Variants in EXOC4 observed in about 807,000 individuals in gnomAD.
EXOC4 encodes the protein exocyst complex component 4, also known as SEC8-like 1.
In EXOC4, 71 loss-of-function variants were observed where a neutral mutation model predicts 107.2. The ratio of observed to expected loss-of-function variants is 0.66; its 90% CI spans 0.55 to 0.81. The LOEUF is 0.81. Among genes scored for constraint, EXOC4 ranks in the 30% least tolerant of loss-of-function variants. EXOC4 has a pLI of 0.00. For synonymous variants in EXOC4, 456 were observed against 441.2 expected, an observed-to-expected ratio of 1.03 and a Z score of -0.42; for missense variants, 1,108 against 1,189.6, an observed-to-expected ratio of 0.93 and a Z score of 1.01.
chr7:133,687,747 T>C (rs760735279), intron 10 of EXOC4, among the ~76,000 whole-genome samples: 4 of 152,100 alleles, frequency 2.6e-5, no homozygotes, highest in Non-Finnish European at 4.4e-5. Context: ...TCTGTAACAT[T>C]AATACAAGTG....
At chr7:133,826,892 A>G (rs1400455640) in intron 11 of EXOC4, among the ~76,000 whole-genome samples, 3 of 152,174 alleles carry the variant, frequency 2.0e-5, no homozygotes, top group Non-Finnish European at 4.4e-5. Context: ...GGATTCTAAC[A>G]TTAACATTCT....
intron 10 of EXOC4, among the ~76,000 whole-genome samples, chr7:133,652,073 C>T (rs933237916): frequency 1.3e-5 from 2 of 152,128 alleles, no homozygotes; most frequent in Admixed American, 6.5e-5. Flanking sequence ...TTTTCTTTTC[C>T]AAGTAATTCG....
intron 5 of EXOC4, among the ~76,000 whole-genome samples, chr7:133,352,706 T>G (rs1795938179): frequency 6.6e-6 from 1 of 152,066 alleles, no homozygotes; most frequent in African/African-American, 2.4e-5. Context: ...TGCATTATTT[T>G]TTTTACCCCT....
intron 9 of EXOC4, among the ~76,000 whole-genome samples, chr7:133,621,313 A>G (rs1802324415): frequency 6.6e-6 from 1 of 152,206 alleles, no homozygotes; most frequent in South Asian, 2.1e-4. Flanking sequence ...CAAAATAAAT[A>G]GTAGATTATT....
At chr7:133,539,125 A>G (rs1800333420) in intron 9 of EXOC4, among the ~76,000 whole-genome samples, 1 of 152,094 alleles carries the variant, frequency 6.6e-6, no homozygotes. Context: ...CATTACTTCT[A>G]GAAAGAACAA....
intron 7 of EXOC4, among the ~76,000 whole-genome samples, chr7:133,448,402 A>G (rs974414225): frequency 6.6e-6 from 1 of 151,982 alleles, no homozygotes; most frequent in Non-Finnish European, 1.5e-5. Flanking sequence ...GGCTTAAGCA[A>G]TCCTCTCACC....
chr7:133,362,601 G>C (rs1796159815), intron 6 of EXOC4, among the ~76,000 whole-genome samples: 1 of 152,028 alleles, frequency 6.6e-6, no homozygotes, highest in Non-Finnish European at 1.5e-5. Context: ...TTTATAATTT[G>C]GAGGCCAGAA....
chr7:133,979,894 A>G (rs1793938320), intron 14 of EXOC4, among the ~76,000 whole-genome samples: 1 of 152,152 alleles, frequency 6.6e-6, no homozygotes, highest in Non-Finnish European at 1.5e-5. Context: ...AAATAATGTT[A>G]AAAACACTGA....
chr7:133,387,864 A>T (rs1796762112), intron 7 of EXOC4, among the ~76,000 whole-genome samples: 1 of 152,152 alleles, frequency 6.6e-6, no homozygotes. Flanking sequence ...AGAATGGGTT[A>T]AAGTAGTTGA....
intron 7 of EXOC4, among the ~76,000 whole-genome samples, chr7:133,404,250 C>T (rs561009509): frequency 6.6e-6 from 1 of 152,250 alleles, no homozygotes; most frequent in Non-Finnish European, 1.5e-5. Context: ...CAGGCGCCCG[C>T]CACTACGCCC....
chr7:133,877,806 C>T (rs1309166453), intron 11 of EXOC4, among the ~76,000 whole-genome samples: 2 of 152,182 alleles, frequency 1.3e-5, no homozygotes, highest in East Asian at 1.9e-4. Context: ...TCTCTCTTTG[C>T]GAAGCTCCCC....
intron 10 of EXOC4, among the ~76,000 whole-genome samples, chr7:133,749,351 C>T (rs532285490): frequency 1.6e-4 from 24 of 152,156 alleles, no homozygotes; most frequent in African/African-American, 4.3e-4. Flanking sequence ...AAAAGCTTTC[C>T]GCATAATCAG....
At chr7:134,078,708 A>G in the EXOC4 span, among the ~76,000 whole-genome samples, 2 of 152,252 alleles carry the variant, frequency 1.3e-5, no homozygotes, top group Non-Finnish European at 2.9e-5. Flanking sequence ...ATGAGGAAAC[A>G]TAACACTTAA....
At chr7:134,031,979 C>T (rs912444929) in intron 17 of EXOC4, among the ~76,000 whole-genome samples, 2 of 152,166 alleles carry the variant, frequency 1.3e-5, no homozygotes, top group Non-Finnish European at 2.9e-5. Flanking sequence ...TAAATCATGA[C>T]TCTTTGTTGC....
intron 14 of EXOC4, among the ~76,000 whole-genome samples, chr7:133,994,678 C>T (rs935882523): frequency 2.0e-5 from 3 of 152,002 alleles, no homozygotes; most frequent in Non-Finnish European, 4.4e-5. Flanking sequence ...GCCCAATACG[C>T]GTGGGCTCTT....
the EXOC4 span, among the ~76,000 whole-genome samples, chr7:134,085,981 C>G: frequency 6.6e-6 from 1 of 152,178 alleles, no homozygotes; most frequent in Admixed American, 6.5e-5. Context: ...TCTGGCTGAC[C>G]TTGCAACCAG....
At chr7:133,932,141 A>G (rs1322655698) in intron 13 of EXOC4, among the ~76,000 whole-genome samples, 1 of 152,234 alleles carries the variant, frequency 6.6e-6, no homozygotes, top group Non-Finnish European at 1.5e-5. Flanking sequence ...AATGGCAGAG[A>G]CAGTTTGCGG....
In EXOC4 at chr7:133,997,546, A is replaced by G; in HGVS notation, c.2261A>G (p.Glu754Gly). The G allele has an allele frequency of 6.2e-7, 1 of 1,613,808 alleles. No individual in the cohort carries two copies. The highest frequency in any genetic ancestry group is 2.2e-5 in the East Asian group (1 of 44,870). ...AACACGGATCTCCCCCCAGTGTCAG[A>G]GCAGATCATGCAGACTCTCAGTGAA... ...HTNTDLPPVS[E>G]QIMQTLSELA... The change falls in exon 15 of 18, where the codon GAG (glutamate) becomes GGG (glycine). Residue 754 changes from glutamate to glycine, a missense_variant. Physicochemically the swap from Glu to Gly is moderately conservative, Grantham distance 98. Transcript: ENST00000253861.
intron 7 of EXOC4, 84 bp from the exon 8 acceptor site, chr7:133,475,244 A>T: frequency 2.5e-6 from 3 of 1,200,884 alleles, no homozygotes; most frequent in South Asian, 2.9e-5. Context: ...TTAGAATTAG[A>T]TTTGCATGGT....
Sources: gnomAD v4.1 joint callset for allele counts (sites outside exome capture counted in the v4.1 genomes callset) on GRCh38, gnomAD v4.1.1 for gene constraint, MANE v1.5 for transcripts, NCBI Gene and HGNC (gene_info 2026-07-23, HGNC 2026-07-21) for gene names.